Variants in RGL1 observed in about 807,000 individuals in gnomAD.
RGL1 encodes ral guanine nucleotide dissociation stimulator like 1.
Under a neutral mutation model 95.2 loss-of-function variants are expected in RGL1, and 24 were observed. The observed-to-expected ratio is 0.25, with a 90% CI of 0.18 to 0.35. The LOEUF is 0.35. Among genes scored for constraint, RGL1 ranks in the 10% least tolerant of loss-of-function variants. RGL1 has a pLI of 1.00. For missense variants in RGL1, 715 were observed against 936.3 expected, an observed-to-expected ratio of 0.76 and a Z score of 3.08; for synonymous variants, 329 against 344.9, an observed-to-expected ratio of 0.95 and a Z score of 0.51.
At chr1:183,677,149 G>A (rs1035966381) in intron 1 of RGL1, among the ~76,000 whole-genome samples, 3 of 151,002 alleles carry the variant, frequency 2.0e-5, no homozygotes, top group African/African-American at 7.3e-5. Context: ...ATTCTCAAAG[G>A]CTCCAACAGA....
intron 3 of RGL1, among the ~76,000 whole-genome samples, chr1:183,855,173 T>C (rs1489485629): frequency 6.6e-6 from 1 of 152,190 alleles, no homozygotes; most frequent in African/African-American, 2.4e-5. Context: ...GCAGTGAACA[T>C]TGCCCAGCCT....
At chr1:183,870,540 G>C (rs1030970224) in intron 4 of RGL1, among the ~76,000 whole-genome samples, 23 of 152,230 alleles carry the variant, frequency 1.5e-4, no homozygotes, top group Admixed American at 2.6e-4. Context: ...CTGCTATCTT[G>C]CTGACGCGTG....
intron 4 of RGL1, among the ~76,000 whole-genome samples, chr1:183,872,027 A>G (rs1272300840): frequency 1.3e-5 from 2 of 152,244 alleles, no homozygotes; most frequent in Admixed American, 1.3e-4. Context: ...TAAATTGGCC[A>G]CTATTTATCA....
intron 2 of RGL1, among the ~76,000 whole-genome samples, chr1:183,833,327 C>T (rs772400556): frequency 1.3e-5 from 2 of 152,132 alleles, no homozygotes; most frequent in Non-Finnish European, 2.9e-5. Flanking sequence ...CATCAATAAA[C>T]CCTAGTCATC....
At chr1:183,878,755 G>A (rs1485783338) in intron 4 of RGL1, among the ~76,000 whole-genome samples, 1 of 152,122 alleles carries the variant, frequency 6.6e-6, no homozygotes, top group Non-Finnish European at 1.5e-5. Context: ...GTAATTTTGT[G>A]TTTCCGTCTG....
At chr1:183,689,192 T>C (rs1653793399) in intron 1 of RGL1, among the ~76,000 whole-genome samples, 1 of 152,228 alleles carries the variant, frequency 6.6e-6, no homozygotes, top group South Asian at 2.1e-4. Flanking sequence ...ATTTATTTAG[T>C]ATTTTGAAAT....
chr1:183,790,383 T>G (rs1388873974), intron 2 of RGL1, among the ~76,000 whole-genome samples: 1 of 152,218 alleles, frequency 6.6e-6, no homozygotes, highest in Non-Finnish European at 1.5e-5. Flanking sequence ...GTACCTGAAC[T>G]GATTTGAGGA....
intron 2 of RGL1, among the ~76,000 whole-genome samples, chr1:183,770,814 T>A (rs1439448585): frequency 6.6e-6 from 1 of 152,164 alleles, no homozygotes; most frequent in East Asian, 1.9e-4. Context: ...GGAACCCAGA[T>A]CAGACAAACT....
At chr1:183,755,145 T>C (rs1018178725) in intron 2 of RGL1, among the ~76,000 whole-genome samples, 1 of 152,122 alleles carries the variant, frequency 6.6e-6, no homozygotes, top group Admixed American at 6.6e-5. Context: ...TTTTTAAACT[T>C]ACCTTTTGAA....
At chr1:183,893,743 T>C (rs1264548150) in intron 9 of RGL1, among the ~76,000 whole-genome samples, 1 of 152,240 alleles carries the variant, frequency 6.6e-6, no homozygotes, top group Non-Finnish European at 1.5e-5. Flanking sequence ...CTGTCATTTC[T>C]CTGTCCTGGC....
At chr1:183,744,774 A>G (rs1160269055) in intron 2 of RGL1, among the ~76,000 whole-genome samples, 1 of 152,166 alleles carries the variant, frequency 6.6e-6, no homozygotes, top group East Asian at 1.9e-4. Flanking sequence ...TTATTTTAAT[A>G]TAGTCAAATT....
At chr1:183,716,413 G>C (rs2102191218) in intron 1 of RGL1, among the ~76,000 whole-genome samples, 1 of 152,332 alleles carries the variant, frequency 6.6e-6, no homozygotes, top group East Asian at 1.9e-4. Flanking sequence ...GGTCAGCAGA[G>C]TCCCTGCTAA....
At chr1:183,826,127 C>A (rs986971521) in intron 2 of RGL1, among the ~76,000 whole-genome samples, 4 of 151,440 alleles carry the variant, frequency 2.6e-5, no homozygotes, top group Admixed American at 6.6e-5. Context: ...GATCTTGGCT[C>A]ACCGCAAGCT....
intron 1 of RGL1, among the ~76,000 whole-genome samples, chr1:183,737,804 G>A (rs1657037003): frequency 6.6e-6 from 1 of 151,922 alleles, no homozygotes; most frequent in African/African-American, 2.4e-5. Flanking sequence ...TTGCTTTTAT[G>A]CTCTCTGATC....
chr1:183,891,728 TAA>T (rs957228600), intron 8 of RGL1, among the ~76,000 whole-genome samples: 7 of 146,396 alleles, frequency 4.8e-5, no homozygotes, highest in African/African-American at 1.8e-4. Flanking sequence ...TCTGTGTGTG[TAA>T]CAGTTTTTTT....
At chr1:183,891,733 G>GTTTTTTTTTT (rs57974956) in intron 8 of RGL1, among the ~76,000 whole-genome samples, 7 of 123,948 alleles carry the variant, frequency 5.6e-5, no homozygotes, top group Non-Finnish European at 6.8e-5. Context: ...GTGTGTAACA[G>GTTTTTTTTTT]TTTTTTTTTT....
intron 1 of RGL1, among the ~76,000 whole-genome samples, chr1:183,671,660 G>T (rs538862168): frequency 5.9e-5 from 9 of 152,182 alleles, no homozygotes; most frequent in Admixed American, 1.3e-4. Context: ...CATTTATCAA[G>T]AAATTTGATA....
chr1:183,662,111 A>G (rs1253307728), intron 1 of RGL1, among the ~76,000 whole-genome samples: 1 of 151,320 alleles, frequency 6.6e-6, no homozygotes, highest in Non-Finnish European at 1.5e-5. Context: ...ATCATACTTA[A>G]TGGGCAAAAA....
chr1:183,785,197 GC>G (rs1660096533), intron 2 of RGL1, among the ~76,000 whole-genome samples: 1 of 152,062 alleles, frequency 6.6e-6, no homozygotes, highest in South Asian at 2.1e-4. Context: ...CCTTAGCATG[GC>G]CCCCACCCTC....
Sources: allele counts gnomAD v4.1 joint callset (sites outside exome capture counted in the v4.1 genomes callset), GRCh38; gene constraint gnomAD v4.1.1; transcripts MANE v1.5; gene names NCBI Gene and HGNC (gene_info 2026-07-23, HGNC 2026-07-21).